The following EBF1 variants were observed in gnomAD, a reference collection of about 807,000 sequenced individuals.
EBF1 encodes transcription factor COE1.
In EBF1, 10 loss-of-function variants were observed where a neutral mutation model predicts 68.4. That is an observed-to-expected ratio of 0.15 (90% CI 0.09 to 0.25). The LOEUF (loss-of-function observed/expected upper bound fraction) is 0.25. Ranked by LOEUF, EBF1 falls within the 10% of genes least tolerant of loss-of-function variation. EBF1 has a pLI of 1.00. For missense variants in EBF1, 509 were observed against 794.4 expected, an observed-to-expected ratio of 0.64 and a Z score of 4.32; for synonymous variants, 298 against 299.8, an observed-to-expected ratio of 0.99 and a Z score of 0.06.
intron 6 of EBF1, among the ~76,000 whole-genome samples, chr5:158,914,421 G>A (rs1806689875): frequency 6.6e-6 from 1 of 152,114 alleles, no homozygotes; most frequent in African/African-American, 2.4e-5. Flanking sequence ...CATGCCGCAC[G>A]AGGGGGGTAA....
chr5:159,045,437 GA>G (rs70987947), intron 6 of EBF1, among the ~76,000 whole-genome samples: 21 of 120,722 alleles, frequency 1.7e-4, no homozygotes, highest in Non-Finnish European at 2.4e-4. Flanking sequence ...AAAAGAAGAA[GA>G]AAAAAAAAAG....
In EBF1 at chr5:158,775,783, G is replaced by GACACACACACAC. The variant is rs58752245; in HGVS notation, c.1036+1618_1036+1629dup. The stretch of plus-strand genomic sequence containing the variant: ...ACACACACACACACACATGCACACA[G>GACACACACACAC]ACACACACACACACACACACACACA... On this transcript the variant is annotated intron_variant, in intron 10 of 15. Transcript: ENST00000313708. Among the ~76,000 whole-genome samples the GACACACACACAC allele has an allele frequency of 2.4e-3, 310 of 129,600 alleles. 6 individuals are homozygous for GACACACACACAC. The highest frequency in any genetic ancestry group is 8.9e-3 in the African/African-American group (301 of 33,846). The allele number at this position is 129,600 out of a possible 152,430, so 85.0% of individuals were successfully genotyped here. A position where few individuals can be genotyped will look rare whatever the true frequency, so the allele number is the denominator to read the frequency against.
chr5:158,961,873 A>G (rs1170616924), intron 6 of EBF1, among the ~76,000 whole-genome samples: 1 of 152,176 alleles, frequency 6.6e-6, no homozygotes, highest in East Asian at 1.9e-4. Flanking sequence ...TTTTAGGAAG[A>G]GAGAAAAATG....
In EBF1 at chr5:158,712,246, G is replaced by A. The variant is rs745371679; in HGVS notation, c.1457C>T (p.Thr486Met). ...GGCAGAGCCGTATCCGTTCATGCTC[G>A]TGGTGACGGAGTTATAGTTGGTCTG... ...PQQTNYNSVT[T>M]SMNGYGSAAM... The change falls in exon 14 of 16, where the codon ACG (threonine) becomes ATG (methionine). Residue 486 changes from threonine (T) to methionine (M), a missense_variant. Coordinates refer to ENST00000313708, the MANE Select transcript of EBF1 (RefSeq NM_024007.5). 5 of 1,614,028 alleles carry A rather than the reference G, an allele frequency of 3.1e-6. No homozygotes were observed. The highest frequency in any genetic ancestry group is 2.2e-5 in the South Asian group (2 of 91,018).
In EBF1 at chr5:158,829,806, T is replaced by C. The variant is rs1361601129; in HGVS notation, c.637-6489A>G. On this transcript the variant is annotated intron_variant, in intron 7 of 15. Coordinates refer to ENST00000313708, the MANE Select transcript of EBF1 (RefSeq NM_024007.5). The stretch of plus-strand genomic sequence containing the variant: ...AGAGATCAGCTAATCTAGTGGCTCC[T>C]AACTAAGAGTTTTTGACTGTAATAA... Among the ~76,000 whole-genome samples the C allele has an allele frequency of 2.6e-5, 4 of 152,306 alleles. No individual in the cohort carries two copies. In the East Asian group the frequency reaches 7.7e-4, roughly 29 times the overall value.
In EBF1 at chr5:159,096,425, C is replaced by T. The variant is rs1782615952; in HGVS notation, c.292-19G>A. 1 of 1,611,952 alleles carries T rather than the reference C, an allele frequency of 6.2e-7. No individual in the cohort carries two copies. The highest frequency in any genetic ancestry group is 8.5e-7 in the Non-Finnish European group (1 of 1,178,966). On this transcript the variant is annotated intron_variant, in intron 2 of 15. Transcript: ENST00000313708. ...TGGCTTCCTGGGTTGCATCAGGACG[C>T]AAAGACACAAGAGATGCAGGAGAGA...
At chr5:158,702,276 G>A (rs1465505406) in intron 15 of EBF1, among the ~76,000 whole-genome samples, 1 of 152,080 alleles carries the variant, frequency 6.6e-6, no homozygotes, top group Non-Finnish European at 1.5e-5. Flanking sequence ...TTATGTGGGT[G>A]AGAGGGATGG....
At chr5:158,714,255 C>T in intron 11 of EBF1, 73 bp from the exon 12 acceptor site, 1 of 1,554,584 alleles carries the variant, frequency 6.4e-7, no homozygotes, top group Non-Finnish European at 8.9e-7. Context: ...TGATCACATT[C>T]CAGTCCCTCT....
intron 6 of EBF1, among the ~76,000 whole-genome samples, chr5:158,898,951 A>C (rs1469009793): frequency 1.3e-5 from 2 of 152,222 alleles, no homozygotes; most frequent in African/African-American, 4.8e-5. Flanking sequence ...GAGCAGCGAT[A>C]ACAAGGTTTC....
At chr5:158,944,045 A>C (rs1321361936) in intron 6 of EBF1, among the ~76,000 whole-genome samples, 1 of 152,022 alleles carries the variant, frequency 6.6e-6, no homozygotes, top group Non-Finnish European at 1.5e-5. Flanking sequence ...GAGAGACAAA[A>C]CTTATTTGAA....
At chr5:159,098,207 G>A (rs1169274655) in intron 1 of EBF1, among the ~76,000 whole-genome samples, 1 of 152,224 alleles carries the variant, frequency 6.6e-6, no homozygotes, top group African/African-American at 2.4e-5. Context: ...TTAATGGGGG[G>A]AAAAAGGCCA....
intron 6 of EBF1, among the ~76,000 whole-genome samples, chr5:158,928,011 A>C (rs75023898): frequency 0.02 from 2,990 of 152,308 alleles, 105 homozygotes; most frequent in African/African-American, 0.068. Context: ...ATAATGTTCT[A>C]AAAAGTTGCT....
At chr5:159,002,001 AT>A (rs1482682982) in intron 6 of EBF1, among the ~76,000 whole-genome samples, 2 of 152,186 alleles carry the variant, frequency 1.3e-5, no homozygotes, top group Non-Finnish European at 2.9e-5. Flanking sequence ...TCAGAGTAGC[AT>A]AAAACCAATT....
At chr5:158,922,983 C>T (rs112209414) in intron 6 of EBF1, among the ~76,000 whole-genome samples, 8,319 of 152,240 alleles carry the variant, frequency 0.055, 292 homozygotes, top group Non-Finnish European at 0.071. Flanking sequence ...TAATTGCAGC[C>T]GAAATGAATG....
intron 10 of EBF1, among the ~76,000 whole-genome samples, chr5:158,740,371 T>G (rs1420857384): frequency 6.6e-6 from 1 of 152,174 alleles, no homozygotes; most frequent in African/African-American, 2.4e-5. Context: ...AGAAAATGAC[T>G]CCCACTGTTC....
intron 6 of EBF1, among the ~76,000 whole-genome samples, chr5:158,920,091 GA>G (rs1808070962): frequency 6.6e-6 from 1 of 152,088 alleles, no homozygotes; most frequent in Non-Finnish European, 1.5e-5. Flanking sequence ...ATATATATGA[GA>G]AATTACAAAT....
intron 6 of EBF1, among the ~76,000 whole-genome samples, chr5:159,065,049 T>C (rs1354713490): frequency 3.3e-5 from 5 of 151,892 alleles, no homozygotes; most frequent in Non-Finnish European, 4.4e-5. Flanking sequence ...CAGCCAATAG[T>C]GCACCCAAGA....
intron 11 of EBF1, among the ~76,000 whole-genome samples, chr5:158,717,397 T>A (rs1760969016): frequency 6.6e-6 from 1 of 152,202 alleles, no homozygotes; most frequent in African/African-American, 2.4e-5. Flanking sequence ...AAATTCTTAT[T>A]TTTTGTGGCA....
chr5:158,870,979 T>C (rs1796772355), intron 6 of EBF1, among the ~76,000 whole-genome samples: 1 of 152,136 alleles, frequency 6.6e-6, no homozygotes. Flanking sequence ...AAAAAGTCTA[T>C]AGGACAGACT....
Sources: gnomAD v4.1 joint callset for allele counts (sites outside exome capture counted in the v4.1 genomes callset) on GRCh38, gnomAD v4.1.1 for gene constraint, MANE v1.5 for transcripts, NCBI Gene and HGNC (gene_info 2026-07-23, HGNC 2026-07-21) for gene names.